Variants in EPB41 observed in about 807,000 individuals in gnomAD.
EPB41 encodes the protein protein 4.1.
EPB41 carries 65 observed loss-of-function variants against 108.0 expected under a neutral mutation model. The observed-to-expected ratio is 0.60, with a 90% CI of 0.49 to 0.74. The LOEUF is 0.74. EPB41 is among the 30% of genes least tolerant of loss of function. EPB41 has a pLI of 0.00. For synonymous variants in EPB41, 336 were observed against 358.9 expected (o/e 0.94, Z 0.72); for missense variants, 875 against 1,037.0 (o/e 0.84, Z 2.15).
At chr1:29,043,958 T>C (rs1374168036) in intron 11 of EPB41, among the ~76,000 whole-genome samples, 1 of 152,192 alleles carries the variant, frequency 6.6e-6, no homozygotes, top group Non-Finnish European at 1.5e-5. Context: ...TCAAGTTTTA[T>C]TGCTTGGCTT....
At chr1:29,026,470 A>G (rs952217326) in intron 7 of EPB41, among the ~76,000 whole-genome samples, 10 of 152,232 alleles carry the variant, frequency 6.6e-5, no homozygotes, top group Admixed American at 5.2e-4. Flanking sequence ...TACTGGAAGA[A>G]TGATGGGAAA....
At chr1:29,101,074 A>T (rs981431870) in intron 17 of EPB41, among the ~76,000 whole-genome samples, 1 of 152,068 alleles carries the variant, frequency 6.6e-6, no homozygotes, top group Non-Finnish European at 1.5e-5. Flanking sequence ...AAAATACAAA[A>T]TTAGCCGGGC....
At chr1:28,932,817 T>C (rs1302718258) in intron 1 of EPB41, among the ~76,000 whole-genome samples, 1 of 152,198 alleles carries the variant, frequency 6.6e-6, no homozygotes, top group Non-Finnish European at 1.5e-5. Flanking sequence ...ATTAATATTA[T>C]TCGTTGTTTT....
At chr1:28,892,669 A>C (rs1450298427) in intron 1 of EPB41, among the ~76,000 whole-genome samples, 1 of 152,152 alleles carries the variant, frequency 6.6e-6, no homozygotes, top group Non-Finnish European at 1.5e-5. Flanking sequence ...ATTGCACTCC[A>C]GCCTGGGCAA....
At chr1:28,964,308 G>A (rs950872929) in intron 1 of EPB41, among the ~76,000 whole-genome samples, 3 of 152,166 alleles carry the variant, frequency 2.0e-5, no homozygotes, top group East Asian at 1.9e-4. Context: ...GCTGGATGTG[G>A]TGGTGCGCCT....
intron 1 of EPB41, among the ~76,000 whole-genome samples, chr1:28,947,623 T>A: frequency 6.6e-6 from 1 of 151,440 alleles, no homozygotes; most frequent in East Asian, 2.0e-4. Flanking sequence ...GGCCAGCAGT[T>A]TGAGATCAGT....
intron 16 of EPB41, among the ~76,000 whole-genome samples, chr1:29,090,845 G>A (rs1404815953): frequency 6.6e-6 from 1 of 152,156 alleles, no homozygotes; most frequent in African/African-American, 2.4e-5. Flanking sequence ...CTACACCCCT[G>A]GGAGGATGCT....
intron 16 of EPB41, chr1:29,096,102 T>C: frequency 1.0e-6 from 1 of 958,902 alleles, no homozygotes; most frequent in Non-Finnish European, 1.2e-6. Flanking sequence ...CAGAGTTCAT[T>C]CTCCCACTTA....
At chr1:28,998,722 A>G (rs1262898790) in intron 4 of EPB41, among the ~76,000 whole-genome samples, 1 of 152,206 alleles carries the variant, frequency 6.6e-6, no homozygotes, top group African/African-American at 2.4e-5. Context: ...TGTCTCCCTT[A>G]GGGCTCAAAC....
chr1:29,072,941 C>T (rs982176323), intron 16 of EPB41: 7 of 151,656 alleles, frequency 4.6e-5, no homozygotes, highest in Non-Finnish European at 8.8e-5. Context: ...TGAAACCCCA[C>T]CTATACTAAA....
At chr1:29,069,095 C>G in intron 16 of EPB41, 1 of 1,132,188 alleles carries the variant, frequency 8.8e-7, no homozygotes, top group Non-Finnish European at 1.1e-6. Flanking sequence ...TCTTCTCCCA[C>G]TTTATTTTCT....
At chr1:28,917,141 T>C (rs2092730892) in intron 1 of EPB41, among the ~76,000 whole-genome samples, 1 of 152,090 alleles carries the variant, frequency 6.6e-6, no homozygotes, top group African/African-American at 2.4e-5. Flanking sequence ...TAAGTTCTTA[T>C]GCAATATGGC....
Position 28,948,401 on chromosome 1 carries a change from C to T in EPB41, c.-8+33633C>T, listed in dbSNP as rs569019307. Among the ~76,000 whole-genome samples the T allele has an allele frequency of 7.9e-4, 118 of 150,092 alleles. 5 individuals are homozygous for T. The South Asian group carries it at 0.024, about 30-fold the overall frequency. ...GCGGGCCCTTGTAGTCCCAGCTACT[C>T]GGGAGGCTGAGGCAGGAGAATGGCA... is the stretch of plus-strand genomic sequence containing the variant. On this transcript the variant is annotated intron_variant, in intron 1 of 20. Transcript: ENST00000343067.
intron 1 of EPB41, among the ~76,000 whole-genome samples, chr1:28,952,885 A>G (rs999472206): frequency 3.9e-5 from 6 of 152,130 alleles, no homozygotes; most frequent in African/African-American, 1.4e-4. Flanking sequence ...GCTCACCACC[A>G]CGCCCAGCTA....
intron 15 of EPB41, among the ~76,000 whole-genome samples, chr1:29,064,394 C>T (rs1157503109): frequency 6.6e-6 from 1 of 152,050 alleles, no homozygotes; most frequent in Admixed American, 6.5e-5. Context: ...TAAATTCTTA[C>T]ATCAAAAAAG....
intron 9 of EPB41, among the ~76,000 whole-genome samples, chr1:29,034,838 A>G (rs1218095723): frequency 6.6e-6 from 1 of 152,180 alleles, no homozygotes; most frequent in African/African-American, 2.4e-5. Context: ...GTTCTCTTGA[A>G]AAATTGCTAA....
chr1:29,070,658 C>T, intron 16 of EPB41: 2 of 1,231,866 alleles, frequency 1.6e-6, no homozygotes, highest in Non-Finnish European at 2.0e-6. Flanking sequence ...GACCATTGAA[C>T]TTCTGTCCTT....
rs76635621 is a variant in EPB41, at chr1:29,014,841, A to C, written c.830-851A>C. Among the ~76,000 whole-genome samples, 357 of 152,294 alleles carry C rather than the reference A, an allele frequency of 2.3e-3. 2 individuals carry two copies. Among genetic ancestry groups the C allele is most frequent in the African/African-American group, 7.5e-3 (311 of 41,562 alleles). On this transcript the variant is annotated intron_variant, in intron 5 of 20. Coordinates refer to ENST00000343067, the MANE Select transcript of EPB41 (RefSeq NM_001376013.1). Reference sequence around the variant, plus strand: ...GTGCTATCCATATCAATATATATACATTTATTTCATCTCTTAATTTTAGGC... The same window carrying C: ...GTGCTATCCATATCAATATATATACCTTTATTTCATCTCTTAATTTTAGGC...
At chr1:28,919,604 C>T (rs921272300) in intron 1 of EPB41, among the ~76,000 whole-genome samples, 1 of 152,028 alleles carries the variant, frequency 6.6e-6, no homozygotes, top group Non-Finnish European at 1.5e-5. Flanking sequence ...GCTGGGACTA[C>T]AGGCATGCAC....
Sources: gnomAD v4.1 joint callset for allele counts (sites outside exome capture counted in the v4.1 genomes callset) on GRCh38, gnomAD v4.1.1 for gene constraint, MANE v1.5 for transcripts, NCBI Gene and HGNC (gene_info 2026-07-23, HGNC 2026-07-21) for gene names.